P2RX6: variants seen among roughly 807,000 people sequenced by gnomAD.
P2RX6 encodes purinergic receptor P2X 6.
In P2RX6, 62 loss-of-function variants were observed where a neutral mutation model predicts 54.2. The observed-to-expected ratio is 1.14, with a 90% confidence interval of 0.93 to 1.41. The LOEUF (loss-of-function observed/expected upper bound fraction) is 1.41. P2RX6 is among the 40% of genes most tolerant of loss of function. The pLI, the probability that P2RX6 is intolerant of heterozygous loss-of-function variation, is 0.00. For synonymous variants in P2RX6, 211 were observed against 231.9 expected, an observed-to-expected ratio of 0.91 and a Z score of 0.82; for missense variants, 541 against 566.3, an observed-to-expected ratio of 0.96 and a Z score of 0.45.
chr22:21,024,105 G>A (rs558384659), intron 8 of P2RX6, among the ~76,000 whole-genome samples: 6 of 146,922 alleles, frequency 4.1e-5, no homozygotes, highest in African/African-American at 1.3e-4. Flanking sequence ...ACAGGTGCTC[G>A]CCACTACTCC....
At chr22:21,017,773 G>A (rs187648339) in intron 2 of P2RX6, 19 of 630,362 alleles carry the variant, frequency 3.0e-5, no homozygotes, top group Admixed American at 2.4e-4. Context: ...CAAGAGACTT[G>A]TCTCAAGAGA....
rs1927866182 is a variant in P2RX6 at position 21,023,560 on chromosome 22, G to A, written c.832G>A (p.Asp278Asn). The A allele has an allele frequency of 6.2e-7, 1 of 1,613,710 alleles. No homozygotes were observed. Among genetic ancestry groups the A allele is most frequent in the Non-Finnish European group, 8.5e-7 (1 of 1,179,780 alleles). Reference sequence around the variant, plus strand: ...CTGGGATTGTGACCTGGACACCGGGGACTCTGGCTGCTGGCCTCACTACTC... The same window carrying A: ...CTGGGATTGTGACCTGGACACCGGGAACTCTGGCTGCTGGCCTCACTACTC... ...VHWDCDLDTG[D>N]SGCWPHYSFQ... is the part of the protein sequence containing the mutation. The change falls in exon 8 of 12, where the codon GAC (aspartate) becomes AAC (asparagine). Residue 278 changes from aspartate to asparagine, a missense_variant. Asp to Asn is a conservative substitution (Grantham distance 23, BLOSUM62 1). Transcript: ENST00000413302.
upstream of P2RX6, chr22:21,014,968 T>A (rs980370645): frequency 5.3e-5 from 26 of 494,588 alleles, no homozygotes; most frequent in Non-Finnish European, 7.4e-5. Flanking sequence ...GCTGCTGCTG[T>A]TCTCTGTGTG....
chr22:21,023,101 C>T lies in P2RX6; in HGVS notation c.558-17C>T. ...CCCCAGGCCTGGCAGAGGCTGTCAC[C>T]TCCCTTCCACCTGCAGGAGGCCCCT... is the stretch of plus-strand genomic sequence containing the variant. On this transcript the variant is annotated splice_polypyrimidine_tract_variant and intron_variant, in intron 5 of 11. Coordinates refer to ENST00000413302, the MANE Select transcript of P2RX6 (RefSeq NM_005446.5). 2 of 1,613,738 alleles carry T rather than the reference C, an allele frequency of 1.2e-6. No individual in the cohort carries two copies. The highest frequency in any genetic ancestry group is 1.7e-6 in the Non-Finnish European group (2 of 1,179,630).
chr22:21,014,830 C>T (rs1926056824), upstream of P2RX6, among the ~76,000 whole-genome samples: 1 of 152,186 alleles, frequency 6.6e-6, no homozygotes, highest in Non-Finnish European at 1.5e-5. Flanking sequence ...CTTTCCTCAA[C>T]ACCCTCCCCG....
chr22:21,018,279 G>T (rs1926780582), intron 3 of P2RX6: 1 of 546,156 alleles, frequency 1.8e-6, no homozygotes, highest in Non-Finnish European at 3.3e-6. Flanking sequence ...CAGAGGAGAA[G>T]ACTGAGGCTC....
rs201305042 is a variant in P2RX6 at position 21,020,060 on chromosome 22, T to TCCCAACATGAG, written c.387+2003_387+2013dup. Among the ~76,000 whole-genome samples, 1,107 of 152,302 alleles carry TCCCAACATGAG rather than the reference T, an allele frequency of 7.3e-3. 24 individuals carry two copies. Among genetic ancestry groups the TCCCAACATGAG allele is most frequent in the African/African-American group, 0.026 (1,066 of 41,556 alleles). ...TTATGGCCAGATTTTGGGGGCCTCT[T>TCCCAACATGAG]CCCAACATGAGCCACTGTGCCTGGC... is the stretch of plus-strand genomic sequence containing the variant. On this transcript the variant is annotated intron_variant, in intron 3 of 11. Coordinates refer to ENST00000413302, the MANE Select transcript of P2RX6 (RefSeq NM_005446.5).
chr22:21,026,882 T>C lies in P2RX6; in HGVS notation c.*265T>C. On this transcript the variant is annotated 3_prime_UTR_variant, in exon 12 of 12. Transcript: ENST00000413302. This position sits in a 1 kb window ranked among gnomAD's most constrained non-coding sequence, Gnocchi z 4.0. ...CCTGTATTGCAGGGCTCCGACTGCA[T>C]GTGGCAGGGGCTCCTGCTGCGTCTG... is the stretch of plus-strand genomic sequence containing the variant. 1 of 596,244 alleles carries C rather than the reference T, an allele frequency of 1.7e-6. No individual in the cohort carries two copies. The highest frequency in any genetic ancestry group is 2.8e-6 in the Non-Finnish European group (1 of 355,052). The allele number at this position is 596,244 out of a possible 1,614,324, so 36.9% of individuals were successfully genotyped here. A position where few individuals can be genotyped will look rare whatever the true frequency, so the allele number is the denominator to read the frequency against.
In P2RX6 at chr22:21,027,456, G is replaced by A. The variant is rs1468544919; in HGVS notation, c.*839G>A. The A allele has an allele frequency of 7.0e-6, 1 of 143,684 alleles. No individual in the cohort carries two copies. Among genetic ancestry groups the A allele is most frequent in the Non-Finnish European group, 1.5e-5 (1 of 66,960 alleles). 8.9% of individuals were successfully genotyped at this position (143,684 alleles called of 1,614,324 possible). On this transcript the variant is annotated 3_prime_UTR_variant, in exon 12 of 12. Coordinates refer to ENST00000413302, the MANE Select transcript of P2RX6 (RefSeq NM_005446.5). ...CTTCCTGAGAGCCCTGGGGGTGGGAGGCTGTGGGAGGCTGTACATCTGAAA... is the reference window on the plus strand; with the variant it reads ...CTTCCTGAGAGCCCTGGGGGTGGGAAGCTGTGGGAGGCTGTACATCTGAAA...
chr22:21,019,133 G>A (rs1018259418), intron 3 of P2RX6, among the ~76,000 whole-genome samples: 5 of 152,172 alleles, frequency 3.3e-5, no homozygotes, highest in African/African-American at 1.2e-4. Context: ...TCAGGACATA[G>A]TCCTGAAAGT....
chr22:21,017,535 A>G (rs1175105280), intron 2 of P2RX6, among the ~76,000 whole-genome samples: 1 of 152,150 alleles, frequency 6.6e-6, no homozygotes, highest in Non-Finnish European at 1.5e-5. Context: ...CTTCAGTACT[A>G]GAAGCAGCAG....
chr22:21,012,191 G>T (rs12168112), upstream of P2RX6, among the ~76,000 whole-genome samples: 1 of 149,692 alleles, frequency 6.7e-6, no homozygotes, highest in Admixed American at 6.6e-5. Context: ...GAACTTCCCC[G>T]CCCCCAACTC....
chr22:21,026,533 T>A lies in P2RX6; in HGVS notation c.1242T>A (p.Thr414=), dbSNP rs11914007. The change falls in exon 12 of 12, where the codon ACT becomes ACA. Residue 414 remains threonine (T), a synonymous_variant. Coordinates refer to ENST00000413302, the MANE Select transcript of P2RX6 (RefSeq NM_005446.5). The surrounding 1 kb of genome is among the most constrained non-coding windows in gnomAD (Gnocchi z 4.0). ...GCTCAGCACCTGCACCCACGGCCAC[T>A]GCTGCTGGGAGTCAGACACAGACAC... The part of the protein sequence containing the change: ...RRSSAPAPTA[T]AAGSQTQTPG... 16 of 1,590,958 alleles carry A rather than the reference T, an allele frequency of 1.0e-5. No individual in the cohort carries two copies. The African/African-American group carries it at 2.1e-4, about 21-fold the overall frequency.
chr22:21,011,360 C>A, upstream of P2RX6: 1 of 609,538 alleles, frequency 1.6e-6, no homozygotes, highest in East Asian at 2.8e-5. Flanking sequence ...CTTTCATGGC[C>A]ATGGTGCCCT....
Position 21,025,677 on chromosome 22 carries a change from G to A in P2RX6, c.891-128G>A, listed in dbSNP as rs76376471. On this transcript the variant is annotated intron_variant, in intron 8 of 11. Coordinates refer to ENST00000413302, the MANE Select transcript of P2RX6 (RefSeq NM_005446.5). ...TTTCTCACCAATTACATAGGGCTGA[G>A]ACCCAGGACTCAGGCTTGGGCTGGG... 1,347 of 668,060 alleles carry A rather than the reference G, an allele frequency of 2.0e-3. 14 individuals are homozygous for A. In the African/African-American group the frequency reaches 0.023, roughly 11 times the overall value. 41.4% of individuals were successfully genotyped at this position (668,060 alleles called of 1,614,324 possible). A position where few individuals can be genotyped will look rare whatever the true frequency, so the allele number is the denominator to read the frequency against.
At position 21,025,874 on chromosome 22, in the gene P2RX6, C is replaced by CT. The variant is rs1176238658; in HGVS notation, c.962dup (p.Asp322ArgfsTer35). Reference sequence around the variant, plus strand: ...CCCTGCTCAAGCTCTATGGAATCCGCTTCGACATCCTCGTCACCGGGCAGG... The same window carrying CT: ...CCCTGCTCAAGCTCTATGGAATCCGCTTTCGACATCCTCGTCACCGGGCAGG... On this transcript the variant is annotated frameshift_variant, in exon 9 of 12. Coordinates refer to ENST00000413302, the MANE Select transcript of P2RX6 (RefSeq NM_005446.5). LOFTEE classifies it high-confidence loss of function. 6.3e-7 allele frequency: 1 copy of CT among 1,575,454 alleles called. No individual in the cohort carries two copies.
At chr22:21,011,653 C>A (rs893857782), upstream of P2RX6, 7 of 695,706 alleles carry the variant, frequency 1.0e-5, no homozygotes, top group African/African-American at 8.8e-5. Context: ...CCCCTCCCCC[C>A]TCTTCTGCCA....
Position 21,023,599 on chromosome 22 carries a change from G to T in P2RX6, c.871G>T (p.Glu291Ter). Reference sequence around the variant, plus strand: ...GCCTCACTACTCCTTCCAGCTGCAGGAGAAGAGCTACAACTTCAGGTGAGG... The same window carrying T: ...GCCTCACTACTCCTTCCAGCTGCAGTAGAAGAGCTACAACTTCAGGTGAGG... ...CWPHYSFQLQ[E>*]KSYNFRTATH... Residue 291 changes from glutamate (E) to a stop codon, truncating the protein, a stop_gained, in exon 8 of 12, where the codon GAG (glutamate) becomes TAG (stop). Transcript: ENST00000413302. LOFTEE classifies it high-confidence loss of function. 2 of 1,610,300 alleles carry T rather than the reference G, an allele frequency of 1.2e-6. No individual in the cohort carries two copies. The highest frequency in any genetic ancestry group is 1.7e-6 in the Non-Finnish European group (2 of 1,178,206).
upstream of P2RX6, among the ~76,000 whole-genome samples, chr22:21,014,455 C>T (rs925988293): frequency 1.1e-4 from 17 of 152,334 alleles, no homozygotes; most frequent in African/African-American, 4.1e-4. Context: ...AGGCTCCTCG[C>T]CTGAGAGGAT....
Sources: allele counts gnomAD v4.1 joint callset (sites outside exome capture counted in the v4.1 genomes callset), GRCh38; gene constraint gnomAD v4.1.1; non-coding constraint Gnocchi (gnomAD v3.1); transcripts MANE v1.5; gene names NCBI Gene and HGNC (gene_info 2026-07-23, HGNC 2026-07-21).